DSCAM: variants seen among roughly 807,000 people sequenced by gnomAD.
DSCAM encodes the protein DS cell adhesion molecule, also known as cell adhesion molecule DSCAM.
In DSCAM, 47 loss-of-function variants were observed where a neutral mutation model predicts 217.7. The ratio of observed to expected loss-of-function variants is 0.22; its 90% CI spans 0.17 to 0.28. The LOEUF is 0.28. DSCAM is among the 10% of genes least tolerant of loss of function. The pLI is 1.00. For synonymous variants in DSCAM, 1,056 were observed against 1,015.3 expected (o/e 1.04, Z -0.76); for missense variants, 2,080 against 2,618.3 (o/e 0.79, Z 4.49).
chr21:40,538,885 C>T (rs1399190238), intron 3 of DSCAM, among the ~76,000 whole-genome samples: 1 of 152,160 alleles, frequency 6.6e-6, no homozygotes, highest in Admixed American at 6.5e-5. Context: ...ATACCTAGTT[C>T]TCTGGGTTCC....
chr21:40,421,032 T>A (rs1346658882), intron 3 of DSCAM, among the ~76,000 whole-genome samples: 1 of 152,058 alleles, frequency 6.6e-6, no homozygotes, highest in Non-Finnish European at 1.5e-5. Flanking sequence ...ATAAGGAGAG[T>A]GCCTGGGAGC....
At position 40,012,906 on chromosome 21, in the gene DSCAM, TC is replaced by T. The variant is rs1245831912; in HGVS notation, c.*127del. 8 of 661,328 alleles carry T rather than the reference TC, an allele frequency of 1.2e-5. No homozygotes were observed. In the South Asian group the frequency reaches 1.8e-4, roughly 15 times the overall value. The allele number at this position is 661,328 out of a possible 1,614,324, so 41.0% of individuals were successfully genotyped here. A position where few individuals can be genotyped will look rare whatever the true frequency, so the allele number is the denominator to read the frequency against. On this transcript the variant is annotated 3_prime_UTR_variant, in exon 33 of 33. Coordinates refer to ENST00000400454, the MANE Select transcript of DSCAM (RefSeq NM_001389.5). ...CACTGTCTGTGGTTTCAGTATTTTC[TC>T]TTTTTTTTTTTTAATATATTTTGGC...
chr21:40,031,228 G>A (rs1364043629), intron 32 of DSCAM, among the ~76,000 whole-genome samples: 2 of 152,146 alleles, frequency 1.3e-5, no homozygotes, highest in East Asian at 1.9e-4. Context: ...ATGTACCTTA[G>A]AGAACAGTGA....
intron 3 of DSCAM, among the ~76,000 whole-genome samples, chr21:40,584,890 G>A (rs1418498396): frequency 1.3e-5 from 2 of 152,170 alleles, no homozygotes; most frequent in Admixed American, 6.5e-5. Flanking sequence ...CCAGTGGGAG[G>A]TGTTTGGGTC....
intron 3 of DSCAM, among the ~76,000 whole-genome samples, chr21:40,469,656 G>A (rs75358136): frequency 0.013 from 1,996 of 152,080 alleles, 38 homozygotes; most frequent in African/African-American, 0.046. Flanking sequence ...TGGGAATATG[G>A]GCAAAGTGAC....
At chr21:40,188,102 G>T in intron 12 of DSCAM, 115 bp from the exon 13 acceptor site, 2 of 671,650 alleles carry the variant, frequency 3.0e-6, no homozygotes, top group Non-Finnish European at 5.0e-6. Context: ...ACACACATAG[G>T]TACACTCACA....
chr21:40,714,140 G>A (rs1477763877), intron 1 of DSCAM, among the ~76,000 whole-genome samples: 3 of 152,180 alleles, frequency 2.0e-5, no homozygotes, highest in African/African-American at 7.2e-5. Flanking sequence ...GCCCTGGGCA[G>A]AGACTTGTTT....
intron 16 of DSCAM, among the ~76,000 whole-genome samples, chr21:40,158,782 A>G (rs749498007): frequency 6.6e-5 from 10 of 152,256 alleles, no homozygotes; most frequent in Non-Finnish European, 1.5e-4. Context: ...TTATACATCT[A>G]TAATTACTCA....
Position 40,144,825 on chromosome 21 carries a change from G to C in DSCAM, c.3019-94C>G, listed in dbSNP as rs988855625. The C allele has an allele frequency of 3.7e-5, 57 of 1,551,128 alleles. 1 individual carries two copies. The highest frequency in any genetic ancestry group is 4.9e-5 in the Non-Finnish European group (56 of 1,145,540). ...ACCCACGTAGGAAAGCAGAAATAAA[G>C]TGGAGTCATCGCCACGATGCTGGGG... On this transcript the variant is annotated intron_variant, in intron 16 of 32. Transcript: ENST00000400454. The surrounding 1 kb of genome is among the most constrained non-coding windows in gnomAD (Gnocchi z 4.8).
intron 3 of DSCAM, among the ~76,000 whole-genome samples, chr21:40,479,545 C>G (rs562301094): frequency 5.3e-5 from 8 of 152,268 alleles, no homozygotes; most frequent in Non-Finnish European, 1.2e-4. Context: ...AAAGGAGGAG[C>G]AAAGGCATGT....
intron 3 of DSCAM, among the ~76,000 whole-genome samples, chr21:40,519,878 G>A (rs560372012): frequency 6.6e-6 from 1 of 151,872 alleles, no homozygotes; most frequent in Admixed American, 6.6e-5. Flanking sequence ...GTGTGTGTGT[G>A]TCCATACACA....
chr21:40,417,668 G>A lies in DSCAM; in HGVS notation c.509-48423C>T, dbSNP rs182925349. Among the ~76,000 whole-genome samples, 12 of 151,814 alleles carry A rather than the reference G, an allele frequency of 7.9e-5. No individual in the cohort carries two copies. In the East Asian group the frequency reaches 1.4e-3, roughly 17 times the overall value. On this transcript the variant is annotated intron_variant, in intron 3 of 32. Transcript: ENST00000400454. ...CTATAATAACCACCCAGATATTTCC[G>A]GTCTGGTTCTAGATATATAAAGCAA...
chr21:40,270,652 T>G (rs796478539), intron 11 of DSCAM, among the ~76,000 whole-genome samples: 1 of 152,124 alleles, frequency 6.6e-6, no homozygotes, highest in African/African-American at 2.4e-5. Flanking sequence ...GAAGAGGGGC[T>G]TGGTGGGAGG....
intron 3 of DSCAM, among the ~76,000 whole-genome samples, chr21:40,462,534 G>A (rs1395152444): frequency 6.6e-6 from 1 of 151,960 alleles, no homozygotes; most frequent in Non-Finnish European, 1.5e-5. Flanking sequence ...TCACATCTTT[G>A]TTGCACCCAA....
intron 16 of DSCAM, among the ~76,000 whole-genome samples, chr21:40,147,009 T>C (rs1159053891): frequency 1.3e-5 from 2 of 152,232 alleles, no homozygotes; most frequent in East Asian, 3.8e-4. Context: ...ACAAAGAGAT[T>C]TCCCCTATTT....
At chr21:40,658,926 T>C (rs531530860) in intron 3 of DSCAM, among the ~76,000 whole-genome samples, 3 of 152,292 alleles carry the variant, frequency 2.0e-5, no homozygotes, top group African/African-American at 7.2e-5. Flanking sequence ...AATGGAAAGT[T>C]GCAAAGGCTG....
At chr21:40,745,359 C>T (rs1404756693) in intron 1 of DSCAM, among the ~76,000 whole-genome samples, 1 of 152,116 alleles carries the variant, frequency 6.6e-6, no homozygotes, top group East Asian at 1.9e-4. Flanking sequence ...GGCACAGCAT[C>T]AAATTATCAA....
At chr21:40,379,530 T>C (rs1432755724) in intron 3 of DSCAM, among the ~76,000 whole-genome samples, 1 of 152,192 alleles carries the variant, frequency 6.6e-6, no homozygotes, top group African/African-American at 2.4e-5. Context: ...CCCCTCCAAA[T>C]ACCTCACACA....
intron 1 of DSCAM, among the ~76,000 whole-genome samples, chr21:40,721,808 A>G (rs934845711): frequency 1.3e-5 from 2 of 152,170 alleles, no homozygotes; most frequent in Admixed American, 1.3e-4. Flanking sequence ...AACCTCAACT[A>G]TCCATCAAAT....
Sources: gnomAD v4.1 joint callset for allele counts (sites outside exome capture counted in the v4.1 genomes callset) on GRCh38, gnomAD v4.1.1 for gene constraint, Gnocchi (gnomAD v3.1) non-coding constraint, MANE v1.5 for transcripts, NCBI Gene and HGNC (gene_info 2026-07-23, HGNC 2026-07-21) for gene names.